Variants in CTXND1 observed in about 807,000 individuals in gnomAD.
CTXND1 encodes the protein cortexin domain containing 1.
intron 1 of CTXND1, among the ~76,000 whole-genome samples, chr15:80,217,482 G>A (rs374587568): frequency 6.6e-6 from 1 of 151,840 alleles, no homozygotes; most frequent in East Asian, 1.9e-4. Context: ...GCACAAATTG[G>A]GAAGATTTAT....
intron 2 of CTXND1, 76 bp downstream of exon 2, chr15:80,203,513 C>G (rs905577346): frequency 6.6e-6 from 1 of 152,254 alleles, no homozygotes; most frequent in African/African-American, 2.4e-5. Flanking sequence ...TGGGGAATAT[C>G]TGTAACCACA....
intron 1 of CTXND1, among the ~76,000 whole-genome samples, chr15:80,246,926 A>G (rs1332806550): frequency 6.6e-6 from 1 of 152,202 alleles, no homozygotes; most frequent in Admixed American, 6.5e-5. Context: ...AGTCGGATTC[A>G]GATGTCACAT....
chr15:80,222,229 A>G (rs913627450), intron 1 of CTXND1, among the ~76,000 whole-genome samples: 2 of 152,194 alleles, frequency 1.3e-5, no homozygotes, highest in African/African-American at 2.4e-5. Flanking sequence ...GAAATTTAAA[A>G]CATACACAAA....
chr15:80,205,660 C>A (rs574134486), intron 1 of CTXND1, among the ~76,000 whole-genome samples: 1 of 152,302 alleles, frequency 6.6e-6, no homozygotes, highest in East Asian at 1.9e-4. Context: ...GGCATCCAGA[C>A]AACGAGACAC....
chr15:80,218,376 G>A lies in CTXND1; in HGVS notation c.-217-14636C>T, dbSNP rs575772038. ...GCTGGTCTCAAACTTCTGACCTCAA[G>A]CAGTCTTCCCACCTGGCCTCCTAAA... On this transcript the variant is annotated intron_variant, in intron 1 of 2. Transcript: ENST00000560778. Among the ~76,000 whole-genome samples the A allele has an allele frequency of 2.0e-5, 3 of 152,200 alleles. No individual in the cohort carries two copies. The South Asian group carries it at 6.2e-4, about 32-fold the overall frequency.
chr15:80,244,549 C>A (rs1287933182), intron 1 of CTXND1, among the ~76,000 whole-genome samples: 1 of 152,158 alleles, frequency 6.6e-6, no homozygotes, highest in Non-Finnish European at 1.5e-5. Flanking sequence ...GGCAGAGTTT[C>A]CTTTGAGTCT....
At chr15:80,239,007 A>G (rs978560669) in intron 1 of CTXND1, among the ~76,000 whole-genome samples, 1 of 152,222 alleles carries the variant, frequency 6.6e-6, no homozygotes, top group African/African-American at 2.4e-5. Flanking sequence ...TAAGCACCAC[A>G]TGACTGAACT....
intron 1 of CTXND1, among the ~76,000 whole-genome samples, chr15:80,217,011 A>G (rs1265814056): frequency 6.6e-6 from 1 of 152,182 alleles, no homozygotes; most frequent in Non-Finnish European, 1.5e-5. Context: ...CTTGAGTTCT[A>G]GTCACTGGTG....
intron 1 of CTXND1, among the ~76,000 whole-genome samples, chr15:80,204,456 C>T (rs189630733): frequency 2.6e-4 from 40 of 151,128 alleles, no homozygotes; most frequent in African/African-American, 9.7e-4. Flanking sequence ...CTTCCCCCAG[C>T]CCGGGGCGGC....
intron 1 of CTXND1, among the ~76,000 whole-genome samples, chr15:80,220,143 T>A (rs1395108479): frequency 1.5e-5 from 1 of 66,696 alleles, no homozygotes. Flanking sequence ...TCTATCTATC[T>A]ATCATCTATC....
At chr15:80,220,128 A>G (rs906411173) in intron 1 of CTXND1, among the ~76,000 whole-genome samples, 4 of 111,958 alleles carry the variant, frequency 3.6e-5, no homozygotes, top group East Asian at 5.1e-4. Flanking sequence ...CTATCTATCT[A>G]TCTATCTATC....
chr15:80,229,932 G>T (rs1245180053), intron 1 of CTXND1, among the ~76,000 whole-genome samples: 1 of 152,160 alleles, frequency 6.6e-6, no homozygotes, highest in Non-Finnish European at 1.5e-5. Flanking sequence ...CCTCAGGCTG[G>T]AAGGCCCTGT....
At chr15:80,232,710 A>G (rs1288260504) in intron 1 of CTXND1, among the ~76,000 whole-genome samples, 4 of 152,202 alleles carry the variant, frequency 2.6e-5, no homozygotes, top group African/African-American at 9.6e-5. Context: ...CCAAAGCACC[A>G]GCAGGTAGTT....
intron 1 of CTXND1, among the ~76,000 whole-genome samples, chr15:80,246,905 T>A (rs1893637588): frequency 1.3e-5 from 2 of 152,140 alleles, no homozygotes; most frequent in South Asian, 4.1e-4. Context: ...CACTGAAAGG[T>A]TTGTCCTCGC....
At chr15:80,223,059 GATTT>G (rs1893334409) in intron 1 of CTXND1, among the ~76,000 whole-genome samples, 1 of 152,108 alleles carries the variant, frequency 6.6e-6, no homozygotes, top group African/African-American at 2.4e-5. Context: ...AGGTCTATGA[GATTT>G]ATTCATATTT....
chr15:80,204,066 G>A (rs1893116916), intron 1 of CTXND1, among the ~76,000 whole-genome samples: 1 of 142,562 alleles, frequency 7.0e-6, no homozygotes, highest in Non-Finnish European at 1.5e-5. Flanking sequence ...AGGAGGCTGA[G>A]GCAAGAGAGT....
rs2142119229 is a variant in CTXND1, at chr15:80,199,709, A to G, written c.*2061T>C. 1 of 152,410 alleles carries G rather than the reference A, an allele frequency of 6.6e-6. No homozygotes were observed. Among genetic ancestry groups the G allele is most frequent in the East Asian group, 1.9e-4 (1 of 5,180 alleles). 9.4% of individuals were successfully genotyped at this position (152,410 alleles called of 1,614,324 possible). On this transcript the variant is annotated 3_prime_UTR_variant, in exon 3 of 3. Transcript: ENST00000560778. ...GGATAGGGGTGGGTAGGAGAGGGGTATGAGAGGGATGACAACTGGATAGCC... is the reference window on the plus strand; with the variant it reads ...GGATAGGGGTGGGTAGGAGAGGGGTGTGAGAGGGATGACAACTGGATAGCC...
At chr15:80,238,452 A>G (rs1173316224) in intron 1 of CTXND1, among the ~76,000 whole-genome samples, 1 of 151,820 alleles carries the variant, frequency 6.6e-6, no homozygotes, top group Non-Finnish European at 1.5e-5. Flanking sequence ...CTGTACAATA[A>G]GAAGCAGCGG....
chr15:80,221,367 G>A (rs183127451), intron 1 of CTXND1, among the ~76,000 whole-genome samples: 17 of 152,180 alleles, frequency 1.1e-4, no homozygotes, highest in African/African-American at 4.1e-4. Context: ...GATGATAAAG[G>A]GCATCCTTGT....
Sources: gnomAD v4.1 joint callset for allele counts (sites outside exome capture counted in the v4.1 genomes callset) on GRCh38, gnomAD v4.1.1 for gene constraint, MANE v1.5 for transcripts, NCBI Gene and HGNC (gene_info 2026-07-23, HGNC 2026-07-21) for gene names.